The following ROBO2 variants were observed in gnomAD, a reference collection of about 807,000 sequenced individuals.
ROBO2 encodes roundabout homolog 2.
In ROBO2, 53 loss-of-function variants were observed where a neutral mutation model predicts 160.8. The ratio of observed to expected loss-of-function variants is 0.33; its 90% CI spans 0.26 to 0.41. ROBO2 has a LOEUF of 0.41. Among genes scored for constraint, ROBO2 ranks in the 10% least tolerant of loss-of-function variants. The pLI is 1.00. For missense variants in ROBO2, 1,577 were observed against 1,722.4 expected, an observed-to-expected ratio of 0.92 and a Z score of 1.49; for synonymous variants, 664 against 611.7, an observed-to-expected ratio of 1.09 and a Z score of -1.26.
intron 2 of ROBO2, among the ~76,000 whole-genome samples, chr3:76,224,020 T>C (rs1456639277): frequency 6.6e-6 from 1 of 152,208 alleles, no homozygotes; most frequent in Non-Finnish European, 1.5e-5. Context: ...ATTTTTATAA[T>C]CAGATTAGAG....
At chr3:76,227,926 C>T (rs1704389980) in intron 2 of ROBO2, among the ~76,000 whole-genome samples, 4 of 152,204 alleles carry the variant, frequency 2.6e-5, no homozygotes, top group East Asian at 1.9e-4. Flanking sequence ...TTTTAGATTT[C>T]GTTTAAAGAT....
rs143964962 is a variant in ROBO2, at chr3:76,088,257, C to T, written c.109+150655C>T. Among the ~76,000 whole-genome samples the T allele has an allele frequency of 3.5e-4, 54 of 152,132 alleles. No individual in the cohort carries two copies. In the East Asian group the frequency reaches 7.5e-3, roughly 21 times the overall value. On this transcript the variant is annotated intron_variant, in intron 2 of 26. Coordinates refer to the ROBO2 transcript ENST00000487694. ...ACTGATAGGACTGCAAGGAAAATTA[C>T]GTAAATCTACTCTTATAATTAGAGA... is the stretch of plus-strand genomic sequence containing the variant.
chr3:76,285,692 T>G (rs2107684117), intron 2 of ROBO2, among the ~76,000 whole-genome samples: 1 of 152,226 alleles, frequency 6.6e-6, no homozygotes, highest in South Asian at 2.1e-4. Flanking sequence ...ATAAGAAAAT[T>G]AAAGTGAGAA....
At chr3:76,836,313 C>T (rs2067685276) in intron 2 of ROBO2, among the ~76,000 whole-genome samples, 1 of 151,754 alleles carries the variant, frequency 6.6e-6, no homozygotes, top group South Asian at 2.1e-4. Context: ...TTCACAATGA[C>T]TTGTTCAATT....
chr3:77,463,259 T>TAA (rs966183572), intron 2 of ROBO2, among the ~76,000 whole-genome samples: 1 of 152,166 alleles, frequency 6.6e-6, no homozygotes, highest in African/African-American at 2.4e-5. Flanking sequence ...AACAAATATC[T>TAA]AAGTTTGTTA....
intron 2 of ROBO2, among the ~76,000 whole-genome samples, chr3:76,185,215 T>TATACAC: frequency 2.0e-4 from 18 of 90,306 alleles, no homozygotes; most frequent in South Asian, 1.6e-3. Flanking sequence ...TATATATATA[T>TATACAC]ACACACACAA....
intron 2 of ROBO2, among the ~76,000 whole-genome samples, chr3:76,793,554 T>C (rs976603): frequency 0.32 from 48,203 of 151,804 alleles, 9,425 homozygotes; most frequent in Non-Finnish European, 0.43. Flanking sequence ...CCAAACACAG[T>C]AAGCATTCTG....
At chr3:76,566,563 A>G (rs1463420338) in intron 2 of ROBO2, among the ~76,000 whole-genome samples, 2 of 152,238 alleles carry the variant, frequency 1.3e-5, no homozygotes, top group Admixed American at 6.5e-5. Context: ...TTTAAAATGC[A>G]TATGCTCTTC....
intron 2 of ROBO2, among the ~76,000 whole-genome samples, chr3:77,186,553 A>T (rs2081304290): frequency 6.6e-6 from 1 of 151,742 alleles, no homozygotes; most frequent in Admixed American, 6.6e-5. Context: ...AAGAGATTAT[A>T]CGGAGCACAG....
chr3:77,068,880 TATA>T (rs1447603487), intron 1 of ROBO2, among the ~76,000 whole-genome samples: 1 of 152,148 alleles, frequency 6.6e-6, no homozygotes, highest in Non-Finnish European at 1.5e-5. Flanking sequence ...ATCCGCAAAC[TATA>T]ATAAATTTTT....
chr3:76,619,525 A>G (rs982149206), intron 2 of ROBO2, among the ~76,000 whole-genome samples: 1 of 152,192 alleles, frequency 6.6e-6, no homozygotes, highest in Admixed American at 6.5e-5. Flanking sequence ...GAGGTCATTC[A>G]TGAGCACTGC....
chr3:77,352,216 GCT>G (rs1202356284), intron 2 of ROBO2, among the ~76,000 whole-genome samples: 2 of 148,456 alleles, frequency 1.3e-5, no homozygotes, highest in African/African-American at 4.9e-5. Context: ...AATGATTTAT[GCT>G]CTCTCTTTTT....
chr3:76,874,698 A>G (rs1377150673), intron 2 of ROBO2, among the ~76,000 whole-genome samples: 1 of 152,190 alleles, frequency 6.6e-6, no homozygotes, highest in African/African-American at 2.4e-5. Flanking sequence ...TAGACAGAAG[A>G]TAAAATGGAA....
chr3:76,979,213 G>T (rs1266493818), intron 2 of ROBO2, among the ~76,000 whole-genome samples: 1 of 152,096 alleles, frequency 6.6e-6, no homozygotes, highest in East Asian at 1.9e-4. Context: ...CAAAGTGCTG[G>T]AATTACAGGT....
At chr3:77,304,600 G>T (rs1040471469) in intron 2 of ROBO2, among the ~76,000 whole-genome samples, 4 of 152,114 alleles carry the variant, frequency 2.6e-5, no homozygotes, top group African/African-American at 9.7e-5. Context: ...GAGGGAAGGA[G>T]AATGATTTTC....
exon 24 of ROBO2, chr3:77,634,984 A>C: frequency 1.9e-6 from 3 of 1,614,174 alleles, no homozygotes; most frequent in Non-Finnish European, 2.5e-6. Context: ...AAAAAACACA[A>C]GGGAGGGCGG....
At chr3:76,776,587 A>T (rs1006600915) in intron 2 of ROBO2, among the ~76,000 whole-genome samples, 1 of 150,862 alleles carries the variant, frequency 6.6e-6, no homozygotes, top group East Asian at 2.0e-4. Context: ...TTCATAGCTC[A>T]TTCCCCATGT....
chr3:76,309,794 G>T (rs1346710101), intron 2 of ROBO2, among the ~76,000 whole-genome samples: 1 of 152,062 alleles, frequency 6.6e-6, no homozygotes, highest in Non-Finnish European at 1.5e-5. Context: ...TTCACTTCAG[G>T]TGGCAAAGAT....
intron 8 of ROBO2, among the ~76,000 whole-genome samples, chr3:77,553,155 T>C (rs1250797816): frequency 6.6e-6 from 1 of 151,982 alleles, no homozygotes; most frequent in Non-Finnish European, 1.5e-5. Context: ...TTGGTAATTC[T>C]CACAGTATTT....
Sources: gnomAD v4.1 joint callset for allele counts (sites outside exome capture counted in the v4.1 genomes callset) on GRCh38, gnomAD v4.1.1 for gene constraint, MANE v1.5 for transcripts, NCBI Gene and HGNC (gene_info 2026-07-23, HGNC 2026-07-21) for gene names.